Variants in GALNT17 observed in about 807,000 individuals in gnomAD.
GALNT17 encodes UDP-GalNAc:polypeptide N-acetylgalactosaminyltransferase-like 3.
A neutral mutation model predicts 63.7 loss-of-function variants in GALNT17; 29 were observed. The ratio of observed to expected loss-of-function variants is 0.46; its 90% CI spans 0.34 to 0.62. GALNT17 has a LOEUF of 0.62. Ranked by LOEUF, GALNT17 falls within the 20% of genes least tolerant of loss-of-function variation. GALNT17 has a pLI of 0.01. For synonymous variants in GALNT17, 305 were observed against 318.3 expected (o/e 0.96, Z 0.45); for missense variants, 603 against 799.6 (o/e 0.75, Z 2.97).
intron 9 of GALNT17, among the ~76,000 whole-genome samples, chr7:71,698,969 C>T (rs372913353): frequency 8.6e-5 from 13 of 151,048 alleles, no homozygotes; most frequent in Non-Finnish European, 1.6e-4. Context: ...CTCAGGAGTT[C>T]GAGACCAGCC....
intron 5 of GALNT17, among the ~76,000 whole-genome samples, chr7:71,513,417 G>A (rs1368643306): frequency 6.6e-6 from 1 of 151,626 alleles, no homozygotes; most frequent in Non-Finnish European, 1.5e-5. Context: ...ACTGAGTCCT[G>A]CTGTGTCGCC....
At chr7:71,679,273 C>T (rs749156927) in intron 9 of GALNT17, among the ~76,000 whole-genome samples, 5 of 151,968 alleles carry the variant, frequency 3.3e-5, no homozygotes, top group African/African-American at 4.8e-5. Flanking sequence ...ATGAGTTGGG[C>T]GTGGTGGCAC....
chr7:71,429,898 G>A (rs2116483016), intron 5 of GALNT17, among the ~76,000 whole-genome samples: 1 of 152,290 alleles, frequency 6.6e-6, no homozygotes, highest in Admixed American at 6.5e-5. Flanking sequence ...GTAGAGATAA[G>A]GTTTTATCAT....
intron 5 of GALNT17, among the ~76,000 whole-genome samples, chr7:71,568,204 C>A (rs1789381825): frequency 6.6e-6 from 1 of 152,104 alleles, no homozygotes; most frequent in Non-Finnish European, 1.5e-5. Flanking sequence ...AGCAAAAGGG[C>A]TAAAATCAAG....
intron 6 of GALNT17, among the ~76,000 whole-genome samples, chr7:71,584,271 A>C (rs1256454407): frequency 6.6e-6 from 1 of 152,194 alleles, no homozygotes; most frequent in African/African-American, 2.4e-5. Context: ...TCCCTTCAAA[A>C]CAAACTGGAA....
chr7:71,626,817 G>A (rs1348812117), intron 6 of GALNT17, among the ~76,000 whole-genome samples: 2 of 152,232 alleles, frequency 1.3e-5, no homozygotes, highest in African/African-American at 4.8e-5. Flanking sequence ...GCTGAGCCTC[G>A]CAGAGGGAGA....
rs536070186 is a variant in GALNT17, at chr7:71,333,024, A to C, written c.239-2526A>C. 1.2e-4 allele frequency among the ~76,000 whole-genome samples: 19 copies of C among 152,326 alleles called. No individual in the cohort carries two copies. The East Asian group carries it at 3.7e-3, about 29-fold the overall frequency. ...TACAGCTCATATCACTCATCTATTT[A>C]AAAGCGTACAGTTTAGTGGCTTGTA... On this transcript the variant is annotated intron_variant, in intron 1 of 10. Coordinates refer to ENST00000333538, the MANE Select transcript of GALNT17 (RefSeq NM_022479.3).
chr7:71,557,931 G>A (rs7800500), intron 5 of GALNT17, among the ~76,000 whole-genome samples: 17,979 of 151,662 alleles, frequency 0.12, 1,598 homozygotes, highest in African/African-American at 0.25. Flanking sequence ...AAAATTAGCC[G>A]AGCATCGTGG....
intron 2 of GALNT17, among the ~76,000 whole-genome samples, chr7:71,358,971 C>T (rs1235549160): frequency 2.6e-5 from 4 of 152,176 alleles, no homozygotes; most frequent in Middle Eastern, 3.4e-3. Flanking sequence ...GATGGGGTTT[C>T]GCCATGCTGG....
At chr7:71,337,496 T>C (rs1791929042) in intron 2 of GALNT17, among the ~76,000 whole-genome samples, 2 of 152,190 alleles carry the variant, frequency 1.3e-5, no homozygotes, top group African/African-American at 2.4e-5. Context: ...CAATACTGGG[T>C]ACTAGCATGT....
intron 5 of GALNT17, among the ~76,000 whole-genome samples, chr7:71,543,147 A>G (rs1347233009): frequency 1.3e-5 from 2 of 152,010 alleles, no homozygotes; most frequent in African/African-American, 2.4e-5. Flanking sequence ...CATGGCTGTG[A>G]ATATGTTTCT....
At chr7:71,567,267 G>A (rs987300612) in intron 5 of GALNT17, among the ~76,000 whole-genome samples, 2 of 152,158 alleles carry the variant, frequency 1.3e-5, no homozygotes, top group African/African-American at 2.4e-5. Flanking sequence ...ATAGTCCAGG[G>A]TGAACCTGCT....
chr7:71,635,390 A>AC (rs1427545898), intron 6 of GALNT17, among the ~76,000 whole-genome samples: 3 of 151,938 alleles, frequency 2.0e-5, no homozygotes, highest in Non-Finnish European at 4.4e-5. Flanking sequence ...GGCCTGTCTG[A>AC]CCCCCACTTC....
chr7:71,208,339 G>A (rs1358040021), intron 1 of GALNT17, among the ~76,000 whole-genome samples: 2 of 151,970 alleles, frequency 1.3e-5, no homozygotes, highest in Non-Finnish European at 2.9e-5. Flanking sequence ...CCCATTCACA[G>A]ATTACTGTAA....
chr7:71,250,620 T>C (rs1483184132), intron 1 of GALNT17, among the ~76,000 whole-genome samples: 1 of 152,178 alleles, frequency 6.6e-6, no homozygotes, highest in Non-Finnish European at 1.5e-5. Context: ...ACCCTAGACG[T>C]TTTTCCCCTC....
At chr7:71,179,751 G>A (rs990604283) in intron 1 of GALNT17, among the ~76,000 whole-genome samples, 1 of 152,166 alleles carries the variant, frequency 6.6e-6, no homozygotes, top group African/African-American at 2.4e-5. Context: ...GATACATCAA[G>A]CCAGTTACAG....
At chr7:71,529,390 C>T (rs7807431) in intron 5 of GALNT17, among the ~76,000 whole-genome samples, 47,558 of 151,746 alleles carry the variant, frequency 0.31, 8,832 homozygotes, top group East Asian at 0.86. Context: ...GCCCGATGGG[C>T]GTATGGATAA....
chr7:71,135,729 A>G lies in GALNT17; in HGVS notation c.238+2689A>G, dbSNP rs143753773. ...CAACAGTCTGCTGCCTACATCAAGCAGAGTAAAGGTAGAAAACCCATCCAA... is the reference window on the plus strand; with the variant it reads ...CAACAGTCTGCTGCCTACATCAAGCGGAGTAAAGGTAGAAAACCCATCCAA... On this transcript the variant is annotated intron_variant, in intron 1 of 10. Coordinates refer to ENST00000333538, the MANE Select transcript of GALNT17 (RefSeq NM_022479.3). Among the ~76,000 whole-genome samples, 137 of 152,318 alleles carry G rather than the reference A, an allele frequency of 9.0e-4. 3 individuals carry two copies. The highest frequency in any genetic ancestry group is 5.1e-3 in the Admixed American group (78 of 15,294).
chr7:71,187,931 A>G (rs1182520955), intron 1 of GALNT17, among the ~76,000 whole-genome samples: 1 of 152,192 alleles, frequency 6.6e-6, no homozygotes, highest in Non-Finnish European at 1.5e-5. Context: ...ATGCCTTTGC[A>G]GCTGTAGAGC....
Sources: gnomAD v4.1 joint callset for allele counts (sites outside exome capture counted in the v4.1 genomes callset) on GRCh38, gnomAD v4.1.1 for gene constraint, MANE v1.5 for transcripts, NCBI Gene and HGNC (gene_info 2026-07-23, HGNC 2026-07-21) for gene names.